SEMA3A: variants seen among roughly 807,000 people sequenced by gnomAD.
SEMA3A encodes semaphorin 3A.
A neutral mutation model predicts 97.9 loss-of-function variants in SEMA3A; 29 were observed. The observed-to-expected ratio is 0.30, with a 90% CI of 0.22 to 0.40. SEMA3A has a LOEUF of 0.40. Among genes scored for constraint, SEMA3A ranks in the 10% least tolerant of loss-of-function variants. The pLI, the probability that SEMA3A is intolerant of heterozygous loss-of-function variation, is 1.00. For synonymous variants in SEMA3A, 321 were observed against 323.7 expected, an observed-to-expected ratio of 0.99 and a Z score of 0.09; for missense variants, 763 against 951.3, an observed-to-expected ratio of 0.80 and a Z score of 2.60.
chr7:84,304,221 A>G (rs1450502058), intron 3 of SEMA3A, among the ~76,000 whole-genome samples: 1 of 152,114 alleles, frequency 6.6e-6, no homozygotes, highest in African/African-American at 2.4e-5. Context: ...TAGATTCATA[A>G]CATGAAGTTT....
At chr7:84,411,419 T>C (rs1002372727) in intron 1 of SEMA3A, among the ~76,000 whole-genome samples, 2 of 152,096 alleles carry the variant, frequency 1.3e-5, no homozygotes, top group African/African-American at 4.8e-5. Context: ...TTGCTTACCA[T>C]GAATTATTGA....
chr7:84,158,585 C>A (rs1174232857), intron 1 of SEMA3A, among the ~76,000 whole-genome samples: 1 of 152,104 alleles, frequency 6.6e-6, no homozygotes, highest in African/African-American at 2.4e-5. Flanking sequence ...GTACTTTTCC[C>A]ATAATTTTGT....
chr7:84,175,473 C>T (rs902823762), intron 1 of SEMA3A, among the ~76,000 whole-genome samples: 1 of 152,152 alleles, frequency 6.6e-6, no homozygotes, highest in Non-Finnish European at 1.5e-5. Context: ...GACTGTGTTA[C>T]GTAGTCCCAT....
At chr7:84,094,281 T>C (rs2057844) in intron 4 of SEMA3A, among the ~76,000 whole-genome samples, 62,715 of 151,852 alleles carry the variant, frequency 0.41, 14,822 homozygotes, top group Admixed American at 0.52. Flanking sequence ...TCCTTCTTTC[T>C]ATATTTTTAA....
chr7:83,998,554 A>C (rs1330975147), intron 12 of SEMA3A, among the ~76,000 whole-genome samples: 1 of 152,164 alleles, frequency 6.6e-6, no homozygotes, highest in African/African-American at 2.4e-5. Flanking sequence ...TATAGTCGCC[A>C]TACACTTAGG....
chr7:84,215,236 A>G lies in SEMA3A; in HGVS notation c.-82-20568T>C, dbSNP rs369587454. Reference sequence around the variant, plus strand: ...GTTTTACTCTTGTTGCCCAGGCTGGAGTGCAATGGCGTGATCTTAGCTCAC... The same window carrying G: ...GTTTTACTCTTGTTGCCCAGGCTGGGGTGCAATGGCGTGATCTTAGCTCAC... On this transcript the variant is annotated intron_variant, in intron 3 of 3. Transcript: ENST00000424555. 5.9e-5 allele frequency among the ~76,000 whole-genome samples: 9 copies of G among 151,838 alleles called. 1 individual carries two copies. Among genetic ancestry groups the G allele is most frequent in the Admixed American group, 1.3e-4 (2 of 15,240 alleles).
At chr7:84,193,978 A>ATC in intron 1 of SEMA3A, among the ~76,000 whole-genome samples, 1 of 152,266 alleles carries the variant, frequency 6.6e-6, no homozygotes, top group Non-Finnish European at 1.5e-5. Context: ...GCAAACCATG[A>ATC]TCTACTGCTT....
chr7:84,129,770 A>G (rs1795908913), intron 2 of SEMA3A, among the ~76,000 whole-genome samples: 1 of 150,104 alleles, frequency 6.7e-6, no homozygotes, highest in Non-Finnish European at 1.5e-5. Flanking sequence ...AGCATGGTAT[A>G]TGTTAGAGAA....
chr7:84,173,070 T>C (rs1454600335), intron 1 of SEMA3A, among the ~76,000 whole-genome samples: 2 of 152,144 alleles, frequency 1.3e-5, no homozygotes, highest in Admixed American at 6.5e-5. Flanking sequence ...TATGACCATA[T>C]TTTCAGAGGA....
At chr7:84,331,291 A>G (rs1329446510) in intron 2 of SEMA3A, among the ~76,000 whole-genome samples, 1 of 152,114 alleles carries the variant, frequency 6.6e-6, no homozygotes, top group East Asian at 1.9e-4. Flanking sequence ...AAGATTTTTT[A>G]GCTTGAAATC....
chr7:84,184,831 C>T (rs1239533068), intron 1 of SEMA3A, among the ~76,000 whole-genome samples: 2 of 152,092 alleles, frequency 1.3e-5, no homozygotes, highest in Non-Finnish European at 2.9e-5. Context: ...GGAAGGGTGG[C>T]AGAAAGGAGA....
At chr7:84,486,242 G>A (rs1241758652) in intron 1 of SEMA3A, among the ~76,000 whole-genome samples, 1 of 152,064 alleles carries the variant, frequency 6.6e-6, no homozygotes, top group Non-Finnish European at 1.5e-5. Flanking sequence ...ACAAAAATGA[G>A]CTGGGCGTGG....
At chr7:84,203,526 A>ATATATATATATATTTTT (rs372380784) in intron 3 of SEMA3A, among the ~76,000 whole-genome samples, 5 of 25,668 alleles carry the variant, frequency 1.9e-4, no homozygotes, top group Non-Finnish European at 2.8e-4. Context: ...ATATATATAT[A>ATATATATATATATTTTT]TTTTTTTTTT....
At chr7:84,177,210 C>T (rs1220583250) in intron 1 of SEMA3A, among the ~76,000 whole-genome samples, 1 of 152,052 alleles carries the variant, frequency 6.6e-6, no homozygotes, top group African/African-American at 2.4e-5. Context: ...GAAAAAGATA[C>T]AGCATTTACT....
At chr7:84,120,571 T>C (rs894989464) in intron 3 of SEMA3A, among the ~76,000 whole-genome samples, 1 of 152,140 alleles carries the variant, frequency 6.6e-6, no homozygotes. Context: ...TACATACATA[T>C]GAAAATCTAT....
intron 6 of SEMA3A, among the ~76,000 whole-genome samples, chr7:84,033,435 A>C (rs4732533): frequency 0.69 from 105,131 of 151,944 alleles, 36,576 homozygotes; most frequent in Middle Eastern, 0.77. Flanking sequence ...AAAATCCAAC[A>C]TAGCTGTTCA....
At chr7:84,360,913 T>C (rs530644151) in intron 2 of SEMA3A, among the ~76,000 whole-genome samples, 1 of 151,926 alleles carries the variant, frequency 6.6e-6, no homozygotes, top group Non-Finnish European at 1.5e-5. Flanking sequence ...GTCTACAAAT[T>C]TAAACAACAC....
intron 1 of SEMA3A, among the ~76,000 whole-genome samples, chr7:84,386,355 T>C (rs993386904): frequency 6.6e-6 from 1 of 152,176 alleles, no homozygotes; most frequent in Non-Finnish European, 1.5e-5. Context: ...TGTTTCGATG[T>C]TTTGGATCCA....
intron 2 of SEMA3A, among the ~76,000 whole-genome samples, chr7:84,352,041 G>GAAA (rs35118818): frequency 7.4e-6 from 1 of 134,904 alleles, no homozygotes; most frequent in African/African-American, 2.6e-5. Context: ...GCAGCCATAA[G>GAAA]AAAAAAAAAA....
Sources: gnomAD v4.1 joint callset for allele counts (sites outside exome capture counted in the v4.1 genomes callset) on GRCh38, gnomAD v4.1.1 for gene constraint, MANE v1.5 for transcripts, NCBI Gene and HGNC (gene_info 2026-07-23, HGNC 2026-07-21) for gene names.